GABRB3: variants seen among roughly 807,000 people sequenced by gnomAD.
GABRB3 encodes gamma-aminobutyric acid receptor subunit beta-3.
Under a neutral mutation model 52.1 loss-of-function variants are expected in GABRB3, and 14 were observed. The observed-to-expected ratio is 0.27, with a 90% CI of 0.18 to 0.42. The LOEUF (loss-of-function observed/expected upper bound fraction) is 0.42. Among genes scored for constraint, GABRB3 ranks in the 10% least tolerant of loss-of-function variants. GABRB3 has a pLI of 1.00. For missense variants in GABRB3, 307 were observed against 609.1 expected, an observed-to-expected ratio of 0.50 and a Z score of 5.22; for synonymous variants, 260 against 232.3, an observed-to-expected ratio of 1.12 and a Z score of -1.08.
At chr15:26,652,480 C>T (rs1887228072) in intron 3 of GABRB3, among the ~76,000 whole-genome samples, 1 of 152,016 alleles carries the variant, frequency 6.6e-6, no homozygotes. Flanking sequence ...ACAAATACAA[C>T]CAAAGAAAAA....
At chr15:26,631,234 C>T (rs1229341201) in intron 3 of GABRB3, among the ~76,000 whole-genome samples, 1 of 152,200 alleles carries the variant, frequency 6.6e-6, no homozygotes, top group East Asian at 1.9e-4. Context: ...AATGAAACCT[C>T]AGCTCATCTT....
upstream of GABRB3, chr15:26,773,706 C>T (rs2140201211): frequency 1.3e-6 from 2 of 1,572,078 alleles, no homozygotes; most frequent in Non-Finnish European, 1.7e-6. Flanking sequence ...AGCAGGAGCT[C>T]CAGGAGCCCG....
chr15:26,625,885 C>T (rs1232166955), intron 3 of GABRB3, among the ~76,000 whole-genome samples: 1 of 152,138 alleles, frequency 6.6e-6, no homozygotes, highest in East Asian at 1.9e-4. Flanking sequence ...AATTGAGTTG[C>T]TAACGTTCCC....
At chr15:26,633,111 G>C (rs1246335160) in intron 3 of GABRB3, among the ~76,000 whole-genome samples, 1 of 152,076 alleles carries the variant, frequency 6.6e-6, no homozygotes, top group Non-Finnish European at 1.5e-5. Flanking sequence ...TCTGGAGCAG[G>C]CTTCACCCTT....
At chr15:26,640,258 C>T (rs1409837465) in intron 3 of GABRB3, among the ~76,000 whole-genome samples, 2 of 152,154 alleles carry the variant, frequency 1.3e-5, no homozygotes, top group Non-Finnish European at 2.9e-5. Context: ...TGGCTCATGC[C>T]TGTAATACCA....
chr15:26,654,794 C>G (rs1370713028), intron 3 of GABRB3, among the ~76,000 whole-genome samples: 1 of 151,924 alleles, frequency 6.6e-6, no homozygotes, highest in African/African-American at 2.4e-5. Flanking sequence ...TTTCATTTAT[C>G]TTTGTAAATT....
intron 3 of GABRB3, among the ~76,000 whole-genome samples, chr15:26,652,371 T>G (rs1671487925): frequency 6.6e-6 from 1 of 152,200 alleles, no homozygotes; most frequent in South Asian, 2.1e-4. Flanking sequence ...GGCACCATGG[T>G]CACTCCTATT....
chr15:26,653,677 G>C (rs1010296064), intron 3 of GABRB3, among the ~76,000 whole-genome samples: 1 of 152,158 alleles, frequency 6.6e-6, no homozygotes, highest in African/African-American at 2.4e-5. Context: ...TGGGCAGCAG[G>C]CAAAATGGAC....
chr15:26,650,515 G>A (rs1887162454), intron 3 of GABRB3, among the ~76,000 whole-genome samples: 1 of 152,056 alleles, frequency 6.6e-6, no homozygotes, highest in Admixed American at 6.6e-5. Context: ...AGCAACAGGA[G>A]GCAGCCAAAT....
chr15:26,748,973 G>A lies in GABRB3; in HGVS notation c.240+23429C>T, dbSNP rs11857780. On this transcript the variant is annotated intron_variant, in intron 3 of 8. Coordinates refer to ENST00000311550, the MANE Select transcript of GABRB3 (RefSeq NM_000814.6). ...CCCAAATGGTGGAGGGTGAATGAGC[G>A]GAGACAGCATTACTGCACTCCAGCC... is the stretch of plus-strand genomic sequence containing the variant. Among the ~76,000 whole-genome samples the A allele has an allele frequency of 2.5e-3, 380 of 151,842 alleles. 3 individuals are homozygous for A. The highest frequency in any genetic ancestry group is 8.2e-3 in the African/African-American group (341 of 41,430).
At chr15:26,612,317 T>G (rs181263912) in intron 4 of GABRB3, 2 of 152,172 alleles carry the variant, frequency 1.3e-5, no homozygotes, top group African/African-American at 4.8e-5. Context: ...ATAAGCAATA[T>G]GATTGTAAGA....
chr15:26,669,857 T>C (rs1887833219), intron 3 of GABRB3, among the ~76,000 whole-genome samples: 1 of 152,226 alleles, frequency 6.6e-6, no homozygotes, highest in Admixed American at 6.5e-5. Context: ...ATCCTTTCTC[T>C]CTTTTGGGTC....
Position 26,560,950 on chromosome 15 carries a change from T to C in GABRB3, c.1062A>G (p.Ser354=). The C allele has an allele frequency of 6.2e-7, 1 of 1,614,006 alleles. No homozygotes were observed. Among genetic ancestry groups the C allele is most frequent in the East Asian group, 2.2e-5 (1 of 44,876 alleles). The change falls in exon 8 of 9, where the codon TCA becomes TCG. Residue 354 remains serine, a synonymous_variant. Coordinates refer to ENST00000311550, the MANE Select transcript of GABRB3 (RefSeq NM_000814.6). ...EKTAKAKNDR[S]KSESNRVDAH... ...AGCCTACCCGGTTGCTTTCGCTCTT[T>C]GAACGGTCATTCTTTGCCTTGGCTG...
At chr15:26,605,966 C>CA (rs1404951369) in intron 4 of GABRB3, among the ~76,000 whole-genome samples, 2 of 152,074 alleles carry the variant, frequency 1.3e-5, no homozygotes, top group African/African-American at 4.8e-5. Flanking sequence ...GAAGGAGGCA[C>CA]GTCTTACATG....
At chr15:26,767,854 CT>C (rs1258100593) in intron 3 of GABRB3, among the ~76,000 whole-genome samples, 1 of 152,150 alleles carries the variant, frequency 6.6e-6, no homozygotes, top group African/African-American at 2.4e-5. Context: ...CTCTTTGCCC[CT>C]CTTCTAAAAA....
upstream of GABRB3, among the ~76,000 whole-genome samples, chr15:26,773,462 C>G (rs1268763293): frequency 4.0e-5 from 6 of 151,552 alleles, no homozygotes; most frequent in East Asian, 1.2e-3. Flanking sequence ...AGCCTCGGCG[C>G]CGGCATAAGC....
chr15:26,726,268 G>C (rs1889768645), intron 3 of GABRB3, among the ~76,000 whole-genome samples: 1 of 152,150 alleles, frequency 6.6e-6, no homozygotes, highest in African/African-American at 2.4e-5. Flanking sequence ...TGGATTTTTG[G>C]ATTAGGGATG....
At chr15:26,651,950 A>G (rs971632091) in intron 3 of GABRB3, among the ~76,000 whole-genome samples, 2 of 152,212 alleles carry the variant, frequency 1.3e-5, no homozygotes, top group African/African-American at 4.8e-5. Context: ...TCATGCAGCC[A>G]GGTCTTCCCT....
intron 3 of GABRB3, among the ~76,000 whole-genome samples, chr15:26,746,497 A>C (rs1012221290): frequency 2.0e-5 from 3 of 151,784 alleles, no homozygotes; most frequent in African/African-American, 7.3e-5. Context: ...GTTAAATTTA[A>C]GAATTCTTCT....
Sources: gnomAD v4.1 joint callset for allele counts (sites outside exome capture counted in the v4.1 genomes callset) on GRCh38, gnomAD v4.1.1 for gene constraint, MANE v1.5 for transcripts, NCBI Gene and HGNC (gene_info 2026-07-23, HGNC 2026-07-21) for gene names.